The following FREM2 variants were observed in gnomAD, a reference collection of about 807,000 sequenced individuals.
FREM2 encodes FRAS1 related extracellular matrix 2.
FREM2 carries 119 observed loss-of-function variants against 219.9 expected under a neutral mutation model. That is an observed-to-expected ratio of 0.54 (90% CI 0.47 to 0.63). FREM2 has a LOEUF of 0.63. Ranked by LOEUF, FREM2 falls within the 30% of genes least tolerant of loss-of-function variation. FREM2 has a pLI of 0.00. For missense variants in FREM2, 4,030 were observed against 3,993.6 expected (o/e 1.01, Z -0.25); for synonymous variants, 1,562 against 1,522.8 (o/e 1.03, Z -0.60).
At chr13:38,722,172 C>A (rs1416800358) in intron 2 of FREM2, among the ~76,000 whole-genome samples, 1 of 151,930 alleles carries the variant, frequency 6.6e-6, no homozygotes, top group East Asian at 1.9e-4. Context: ...GCCTGGTTAA[C>A]TTTTTCAATT....
chr13:38,754,655 C>G (rs1428643371), intron 2 of FREM2, among the ~76,000 whole-genome samples: 1 of 152,136 alleles, frequency 6.6e-6, no homozygotes, highest in Non-Finnish European at 1.5e-5. Context: ...ATCACCCTGA[C>G]CATGGCCCTC....
intron 2 of FREM2, among the ~76,000 whole-genome samples, chr13:38,717,579 G>A (rs1244754145): frequency 6.6e-6 from 1 of 150,858 alleles, no homozygotes; most frequent in Non-Finnish European, 1.5e-5. Context: ...AACATGCCCA[G>A]CTAATTTTTG....
At chr13:38,738,222 T>C (rs574142442) in intron 2 of FREM2, among the ~76,000 whole-genome samples, 44 of 152,126 alleles carry the variant, frequency 2.9e-4, no homozygotes, top group South Asian at 6.2e-4. Context: ...TTTGGACATA[T>C]GAAAATTTCA....
chr13:38,783,064 C>T lies in FREM2; in HGVS notation c.5642-6C>T. 2 of 1,613,330 alleles carry T rather than the reference C, an allele frequency of 1.2e-6. No homozygotes were observed. The highest frequency in any genetic ancestry group is 1.7e-6 in the Non-Finnish European group (2 of 1,179,880). ...AATAATGCTTGCAATTGTGTTTTCT[C>T]TCTAGAGCCAACTGTGTTTATTCCC... is the stretch of plus-strand genomic sequence containing the variant. On this transcript the variant is annotated splice_polypyrimidine_tract_variant and splice_region_variant and intron_variant, in intron 4 of 23. Coordinates refer to ENST00000280481, the MANE Select transcript of FREM2 (RefSeq NM_207361.6).
At chr13:38,828,095 C>T (rs1566157401) in intron 6 of FREM2, among the ~76,000 whole-genome samples, 1 of 152,234 alleles carries the variant, frequency 6.6e-6, no homozygotes, top group East Asian at 1.9e-4. Context: ...AACATGCACA[C>T]ATTTTTGTTT....
rs139663110 is a variant in FREM2 at position 38,841,363 on chromosome 13, G to T, written c.6020-5210G>T. ...GTGCAGGTCTCTGTATCTTCTGCTC[G>T]GTTTTGCCATGAACCTAAAACTGCT... On this transcript the variant is annotated intron_variant, in intron 6 of 23. Coordinates refer to ENST00000280481, the MANE Select transcript of FREM2 (RefSeq NM_207361.6). Among the ~76,000 whole-genome samples, 32 of 152,138 alleles carry T rather than the reference G, an allele frequency of 2.1e-4. No homozygotes were observed. The East Asian group carries it at 5.6e-3, about 27-fold the overall frequency.
chr13:38,885,288 T>A lies in FREM2; in HGVS notation c.*4501T>A, dbSNP rs955160844. ...AATGTCTTTCTTAATTTTATTTTAT[T>A]AGGAGAAAAATCAGAATATTAAATT... On this transcript the variant is annotated 3_prime_UTR_variant, in exon 24 of 24. Transcript: ENST00000280481. The A allele has an allele frequency of 4.1e-4, 62 of 152,302 alleles. No homozygotes were observed. The highest frequency in any genetic ancestry group is 1.4e-3 in the African/African-American group (60 of 41,580). 9.4% of individuals were successfully genotyped at this position (152,302 alleles called of 1,614,324 possible). A position where few individuals can be genotyped will look rare whatever the true frequency, so the allele number is the denominator to read the frequency against.
chr13:38,718,949 A>G (rs1273135949), intron 2 of FREM2, among the ~76,000 whole-genome samples: 1 of 152,196 alleles, frequency 6.6e-6, no homozygotes. Flanking sequence ...AAAGAATTAA[A>G]TTTCTCAGAG....
In FREM2 at chr13:38,733,771, G is replaced by A. The variant is rs532534201; in HGVS notation, c.5264-30533G>A. 2.6e-5 allele frequency among the ~76,000 whole-genome samples: 4 copies of A among 152,258 alleles called. No homozygotes were observed. The East Asian group carries it at 5.8e-4, about 22-fold the overall frequency. On this transcript the variant is annotated intron_variant, in intron 2 of 23. Transcript: ENST00000280481. ...AATCCTCTTGCCTTGGCCTCCCAAA[G>A]TGCTAGGATTATAGTCATGAGCCTC...
intron 6 of FREM2, among the ~76,000 whole-genome samples, chr13:38,813,791 C>G (rs1875640843): frequency 6.6e-6 from 1 of 151,174 alleles, no homozygotes; most frequent in Admixed American, 6.6e-5. Flanking sequence ...ACTTTCTACC[C>G]CTATCTCTTT....
intron 2 of FREM2, among the ~76,000 whole-genome samples, chr13:38,754,790 G>A: frequency 6.6e-6 from 1 of 151,436 alleles, no homozygotes. Context: ...TCTTTTTTGT[G>A]TTTTGATTGT....
chr13:38,700,940 G>A (rs1240112240), intron 2 of FREM2, among the ~76,000 whole-genome samples: 1 of 151,988 alleles, frequency 6.6e-6, no homozygotes, highest in African/African-American at 2.4e-5. Context: ...AAAAGTTGTA[G>A]TGCCCTAAAC....
rs910771106 is a variant in FREM2, at chr13:38,883,342, G to A, written c.*2555G>A. 4 of 151,932 alleles carry A rather than the reference G, an allele frequency of 2.6e-5. No homozygotes were observed. The East Asian group carries it at 5.8e-4, about 22-fold the overall frequency. The allele number at this position is 151,932 out of a possible 1,614,324, so 9.4% of individuals were successfully genotyped here. On this transcript the variant is annotated 3_prime_UTR_variant, in exon 24 of 24. Coordinates refer to ENST00000280481, the MANE Select transcript of FREM2 (RefSeq NM_207361.6). ...TAAATAAAATAGACCCTTATGTTTAGCATTTTGTTTTTAGAGAACTATTCT... is the reference window on the plus strand; with the variant it reads ...TAAATAAAATAGACCCTTATGTTTAACATTTTGTTTTTAGAGAACTATTCT...
chr13:38,693,521 TG>T (rs1869984746), intron 1 of FREM2, among the ~76,000 whole-genome samples: 1 of 152,208 alleles, frequency 6.6e-6, no homozygotes, highest in East Asian at 1.9e-4. Context: ...TATACTGGCT[TG>T]GGAGTCAGGG....
intron 2 of FREM2, among the ~76,000 whole-genome samples, chr13:38,725,899 G>C (rs1871499863): frequency 6.6e-6 from 1 of 152,194 alleles, no homozygotes; most frequent in South Asian, 2.1e-4. Flanking sequence ...GTCTGTGAGT[G>C]AGGTGGCAAG....
At position 38,691,928 on chromosome 13, in the gene FREM2, T is replaced by C. The variant is rs141457707; in HGVS notation, c.4584T>C (p.Asp1528=). 46 of 1,614,066 alleles carry C rather than the reference T, an allele frequency of 2.8e-5. No homozygotes were observed. The African/African-American group carries it at 5.1e-4, about 18-fold the overall frequency. The change falls in exon 1 of 24, where the codon GAT becomes GAC. Residue 1528 remains aspartate, a synonymous_variant. Transcript: ENST00000280481. The part of the protein sequence containing the change: ...VFRTFRISIS[D]VDNKKPVVTI... ...GGACATTCCGTATCTCCATTAGCGA[T>C]GTGGACAATAAAAAGCCAGTGGTCA...
chr13:38,740,579 C>T (rs906932968), intron 2 of FREM2, among the ~76,000 whole-genome samples: 1 of 152,182 alleles, frequency 6.6e-6, no homozygotes, highest in Admixed American at 6.5e-5. Context: ...CATTATTCCT[C>T]ATAAGAAAAG....
At position 38,880,526 on chromosome 13, in the gene FREM2, C is replaced by T. The variant is rs1878504217; in HGVS notation, c.9249C>T (p.Thr3083=). The T allele has an allele frequency of 6.2e-7, 1 of 1,614,154 alleles. No individual in the cohort carries two copies. Among genetic ancestry groups the T allele is most frequent in the East Asian group, 2.2e-5 (1 of 44,864 alleles). The change falls in exon 24 of 24, where the codon ACC becomes ACT. Residue 3083 remains threonine, a synonymous_variant. Transcript: ENST00000280481. ...TNIQHIALDR[T]KRQIPHGRAP... ...TCCAGCACATTGCCCTGGACCGCAC[C>T]AAGAGGCAGATCCCCCATGGGAGAG...
chr13:38,712,718 A>T (rs947994097), intron 2 of FREM2, among the ~76,000 whole-genome samples: 6 of 151,868 alleles, frequency 4.0e-5, no homozygotes, highest in African/African-American at 1.5e-4. Context: ...TTTTCCTGTG[A>T]GATTCCAGTG....
Sources: allele counts gnomAD v4.1 joint callset (sites outside exome capture counted in the v4.1 genomes callset), GRCh38; gene constraint gnomAD v4.1.1; transcripts MANE v1.5; gene names NCBI Gene and HGNC (gene_info 2026-07-23, HGNC 2026-07-21).